MYO18A: variants seen among roughly 807,000 people sequenced by gnomAD.
MYO18A encodes the protein myosin XVIIIA, also known as unconventional myosin-XVIIIa.
A neutral mutation model predicts 235.8 loss-of-function variants in MYO18A; 78 were observed. That is an observed-to-expected ratio of 0.33 (90% CI 0.28 to 0.40). The LOEUF (loss-of-function observed/expected upper bound fraction) is 0.40, where lower values mean the gene tolerates loss of function less well. MYO18A is among the 10% of genes least tolerant of loss of function. The pLI is 1.00. For missense variants in MYO18A, 2,215 were observed against 2,699.3 expected, an observed-to-expected ratio of 0.82 and a Z score of 3.98; for synonymous variants, 977 against 1,077.8, an observed-to-expected ratio of 0.91 and a Z score of 1.83.
intron 41 of MYO18A, chr17:29,080,969 T>C: frequency 1.0e-6 from 1 of 985,312 alleles, no homozygotes; most frequent in Non-Finnish European, 1.2e-6. Context: ...GAGGACGGCC[T>C]CTCCTCCACC....
chr17:29,139,918 C>T (rs1714845539), intron 2 of MYO18A, among the ~76,000 whole-genome samples: 1 of 152,150 alleles, frequency 6.6e-6, no homozygotes, highest in Non-Finnish European at 1.5e-5. Context: ...AAAGCAGAGA[C>T]AAGACTACCG....
intron 20 of MYO18A, among the ~76,000 whole-genome samples, chr17:29,104,451 G>C (rs2066731779): frequency 1.3e-5 from 2 of 152,144 alleles, no homozygotes; most frequent in African/African-American, 4.8e-5. Flanking sequence ...CCCAAAGTAG[G>C]GAATATAAGA....
intron 2 of MYO18A, among the ~76,000 whole-genome samples, chr17:29,129,933 C>G (rs1452086308): frequency 6.6e-6 from 1 of 152,150 alleles, no homozygotes; most frequent in Non-Finnish European, 1.5e-5. Context: ...GCCAGTGGCC[C>G]TAGCCACTGG....
chr17:29,169,763 A>C (rs1045888945), intron 1 of MYO18A, among the ~76,000 whole-genome samples: 3 of 152,186 alleles, frequency 2.0e-5, no homozygotes, highest in African/African-American at 7.2e-5. Flanking sequence ...TCAACCACAG[A>C]GAACCCAACT....
intron 1 of MYO18A, among the ~76,000 whole-genome samples, chr17:29,179,351 C>G (rs905360610): frequency 2.0e-5 from 3 of 151,764 alleles, no homozygotes; most frequent in Non-Finnish European, 4.4e-5. Flanking sequence ...GCAACTCCCC[C>G]ATCTCCACCC....
chr17:29,097,763 C>T (rs766632859), intron 26 of MYO18A, 25 bp downstream of exon 26: 66 of 1,594,134 alleles, frequency 4.1e-5, no homozygotes, highest in South Asian at 6.8e-5. Flanking sequence ...GGGCCACTGC[C>T]GAGCTCCTTG....
intron 2 of MYO18A, among the ~76,000 whole-genome samples, chr17:29,136,262 T>C (rs1189454621): frequency 7.3e-6 from 1 of 137,348 alleles, no homozygotes; most frequent in South Asian, 2.2e-4. Context: ...TATATATATA[T>C]ATATATATAT....
At chr17:29,146,431 T>C (rs1046950167) in intron 2 of MYO18A, among the ~76,000 whole-genome samples, 3 of 152,070 alleles carry the variant, frequency 2.0e-5, no homozygotes, top group African/African-American at 7.2e-5. Context: ...GTAGTGGACA[T>C]GTGTTGTTTC....
chr17:29,148,582 TTGTGTGTGTGTGTGTG>T (rs10535921), intron 2 of MYO18A, among the ~76,000 whole-genome samples: 10 of 148,756 alleles, frequency 6.7e-5, no homozygotes, highest in Admixed American at 2.7e-4. Flanking sequence ...CTTTATTCTT[TTGTGTGTGTGTGTGTG>T]TGTGTGTGTG....
In MYO18A at chr17:29,074,690, G is replaced by T. The variant is rs561007653; in HGVS notation, c.*80C>A. On this transcript the variant is annotated 3_prime_UTR_variant, in exon 42 of 42. Coordinates refer to ENST00000527372, the MANE Select transcript of MYO18A (RefSeq NM_078471.4). This position sits in a 1 kb window ranked among gnomAD's most constrained non-coding sequence, Gnocchi z 4.4. ...GATCAGCAGTCGGGTGGGGGAGACC[G>T]GTGCCCCACCACTTCCTGGGAGAGG... The T allele has an allele frequency of 2.0e-6, 3 of 1,493,688 alleles. No homozygotes were observed. In the African/African-American group the frequency reaches 4.1e-5, roughly 21 times the overall value. The allele number at this position is 1,493,688 out of a possible 1,614,324, so 92.5% of individuals were successfully genotyped here.
chr17:29,122,123 C>G, intron 3 of MYO18A, 43 bp downstream of exon 3: 2 of 1,588,606 alleles, frequency 1.3e-6, no homozygotes, highest in Non-Finnish European at 1.7e-6. Flanking sequence ...AGCCCTGAGA[C>G]CAGTGAGTCC....
chr17:29,170,789 C>T (rs2068384349), intron 1 of MYO18A, among the ~76,000 whole-genome samples: 1 of 152,160 alleles, frequency 6.6e-6, no homozygotes, highest in Non-Finnish European at 1.5e-5. Context: ...GTAAGCATCC[C>T]GAAGGCAATG....
chr17:29,128,157 C>T, intron 2 of MYO18A: 1 of 1,114,998 alleles, frequency 9.0e-7, no homozygotes. Context: ...TCCTTGGCTG[C>T]CTCCTTCTTC....
chr17:29,128,033 C>G (rs1445385364), intron 2 of MYO18A: 2 of 1,013,164 alleles, frequency 2.0e-6, no homozygotes, highest in Admixed American at 5.6e-5. Flanking sequence ...GTCTGGGGAG[C>G]CTGGCTCCTG....
At chr17:29,098,745 G>C in intron 23 of MYO18A, 81 bp downstream of exon 23, 1 of 1,549,764 alleles carries the variant, frequency 6.5e-7, no homozygotes, top group Non-Finnish European at 8.8e-7. Flanking sequence ...TGGACTAAAC[G>C]AAGAAGCGCC....
rs2066867543 is a variant in MYO18A, at chr17:29,109,178, C to T, written c.3331+680G>A. On this transcript the variant is annotated intron_variant, in intron 19 of 41. Coordinates refer to ENST00000527372, the MANE Select transcript of MYO18A (RefSeq NM_078471.4). This position sits in a 1 kb window ranked among gnomAD's most constrained non-coding sequence, Gnocchi z 4.1. ...AAACAAAAAAAAAACAAAAAAAACC[C>T]ACCCTACTTGAGAGACATGAGACAT... Among the ~76,000 whole-genome samples the T allele has an allele frequency of 6.6e-6, 1 of 151,938 alleles. No homozygotes were observed. The highest frequency in any genetic ancestry group is 2.1e-4 in the South Asian group (1 of 4,822).
At chr17:29,124,426 G>C (rs747975281) in intron 2 of MYO18A, among the ~76,000 whole-genome samples, 1 of 152,218 alleles carries the variant, frequency 6.6e-6, no homozygotes, top group East Asian at 1.9e-4. Context: ...GGCGACACTC[G>C]GTCTAGATGC....
chr17:29,115,062 T>C lies in MYO18A; in HGVS notation c.2356A>G (p.Met786Val). The C allele has an allele frequency of 6.2e-7, 1 of 1,613,790 alleles. No individual in the cohort carries two copies. The highest frequency in any genetic ancestry group is 8.5e-7 in the Non-Finnish European group (1 of 1,179,848). The change falls in exon 14 of 42, where the codon ATG (methionine) becomes GTG (valine). Residue 786 changes from methionine to valine, a missense_variant. By Grantham distance (21) the Met-to-Val change is conservative. Coordinates refer to ENST00000527372, the MANE Select transcript of MYO18A (RefSeq NM_078471.4). Reference sequence around the variant, plus strand: ...TGGAAGCCCGGGGTGTCGACAATCATCATGGAGCAGAGTGAGTGCTGGCTG... The same window carrying C: ...TGGAAGCCCGGGGTGTCGACAATCACCATGGAGCAGAGTGAGTGCTGGCTG... Reference protein sequence around the residue: ...KSSQHSLCSMMIVDTPGFQNP... With the variant: ...KSSQHSLCSMVIVDTPGFQNP...
In MYO18A at chr17:29,166,628, C is replaced by T; in HGVS notation, c.313G>A (p.Asp105Asn). ...GHLSTASSSD[D>N]LKGEEGSFRG... Reference sequence around the variant, plus strand: ...AAGCTACCCTCCTCACCCTTGAGGTCATCGCTGGAGCTGGCTGTACTTAGG... The same window carrying T: ...AAGCTACCCTCCTCACCCTTGAGGTTATCGCTGGAGCTGGCTGTACTTAGG... Residue 105 changes from aspartate to asparagine, a missense_variant, in exon 2 of 42, where the codon GAC (aspartate) becomes AAC (asparagine). Transcript: ENST00000527372. The T allele has an allele frequency of 6.2e-7, 1 of 1,613,882 alleles. No individual in the cohort carries two copies. The highest frequency in any genetic ancestry group is 1.1e-5 in the South Asian group (1 of 91,070).
Sources: gnomAD v4.1 joint callset for allele counts (sites outside exome capture counted in the v4.1 genomes callset) on GRCh38, gnomAD v4.1.1 for gene constraint, Gnocchi (gnomAD v3.1) non-coding constraint, MANE v1.5 for transcripts, NCBI Gene and HGNC (gene_info 2026-07-23, HGNC 2026-07-21) for gene names.